Variants in NPLOC4 observed in about 807,000 individuals in gnomAD.
NPLOC4 encodes NPL4 homolog, ubiquitin recognition factor, also known as nuclear protein localization protein 4 homolog.
NPLOC4 carries 18 observed loss-of-function variants against 80.6 expected under a neutral mutation model. The observed-to-expected ratio is 0.22, with a 90% CI of 0.15 to 0.33. The LOEUF (loss-of-function observed/expected upper bound fraction) is 0.33, where lower values mean the gene tolerates loss of function less well. Ranked by LOEUF, NPLOC4 falls within the 10% of genes least tolerant of loss-of-function variation. The pLI, the probability that NPLOC4 is intolerant of heterozygous loss-of-function variation, is 1.00. For synonymous variants in NPLOC4, 313 were observed against 301.5 expected (o/e 1.04, Z -0.39); for missense variants, 540 against 786.1 (o/e 0.69, Z 3.74).
At chr17:81,600,258 G>A (rs929852081) in intron 9 of NPLOC4, 83 bp downstream of exon 9, 21 of 934,202 alleles carry the variant, frequency 2.2e-5, no homozygotes, top group East Asian at 1.0e-4. Context: ...GACACAGCCC[G>A]GCCACTCTCC....
chr17:81,582,021 G>A lies in NPLOC4; in HGVS notation c.1281+6923C>T, dbSNP rs368163496. Among the ~76,000 whole-genome samples, 361 of 152,270 alleles carry A rather than the reference G, an allele frequency of 2.4e-3. 4 individuals are homozygous for A. The highest frequency in any genetic ancestry group is 7.9e-3 in the African/African-American group (329 of 41,554). ...ACCCACCACACCCTAGTGTCAGAGA[G>A]GGAACATGAGGAGGGCTCCTCTGTA... On this transcript the variant is annotated intron_variant, in intron 12 of 16. Coordinates refer to ENST00000331134, the MANE Select transcript of NPLOC4 (RefSeq NM_017921.4).
intron 6 of NPLOC4, among the ~76,000 whole-genome samples, chr17:81,608,228 C>T (rs1168123752): frequency 6.6e-6 from 1 of 152,196 alleles, no homozygotes; most frequent in Non-Finnish European, 1.5e-5. Flanking sequence ...GGTGGGGAAG[C>T]TGAGATTCTC....
chr17:81,617,017 C>G (rs9748176), intron 3 of NPLOC4, among the ~76,000 whole-genome samples: 82,809 of 151,976 alleles, frequency 0.54, 23,693 homozygotes, highest in East Asian at 0.77. Context: ...CAGGTCCCAC[C>G]GATGCATCTA....
intron 1 of NPLOC4, among the ~76,000 whole-genome samples, chr17:81,634,186 T>A (rs970115980): frequency 6.6e-6 from 1 of 151,854 alleles, no homozygotes; most frequent in African/African-American, 2.4e-5. Flanking sequence ...GTATTTTTAG[T>A]AAAGACGTGG....
At position 81,623,228 on chromosome 17, in the gene NPLOC4, A is replaced by G. The variant is rs142579867; in HGVS notation, c.97-950T>C. ...GGCTCACACCTGTAATCTCAGCACTATGGGAGGCCAAAGCAGGTGGATCAC... is the reference window on the plus strand; with the variant it reads ...GGCTCACACCTGTAATCTCAGCACTGTGGGAGGCCAAAGCAGGTGGATCAC... On this transcript the variant is annotated intron_variant, in intron 2 of 16. Coordinates refer to ENST00000331134, the MANE Select transcript of NPLOC4 (RefSeq NM_017921.4). 1.8e-3 allele frequency among the ~76,000 whole-genome samples: 268 copies of G among 151,560 alleles called. 2 individuals are homozygous for G. The highest frequency in any genetic ancestry group is 6.2e-3 in the African/African-American group (258 of 41,336).
rs2033725265 is a variant in NPLOC4, at chr17:81,558,535, G to A, written c.*724C>T. 6.6e-6 allele frequency: 1 copy of A among 152,152 alleles called. No homozygotes were observed. The highest frequency in any genetic ancestry group is 2.1e-4 in the South Asian group (1 of 4,830). 9.4% of individuals were successfully genotyped at this position (152,152 alleles called of 1,614,324 possible). ...TCGGGGGCTTCACTAAAGGAGGGAA[G>A]GATGTGGAAACTAGTCTCTCTCACT... On this transcript the variant is annotated 3_prime_UTR_variant, in exon 17 of 17. Transcript: ENST00000331134.
chr17:81,634,255 C>A (rs557132068), intron 1 of NPLOC4, among the ~76,000 whole-genome samples: 1 of 152,262 alleles, frequency 6.6e-6, no homozygotes, highest in Admixed American at 6.5e-5. Context: ...CCTGCCTCGG[C>A]CTCTCAAAGT....
chr17:81,632,303 A>G (rs2035952954), intron 1 of NPLOC4, among the ~76,000 whole-genome samples: 1 of 148,524 alleles, frequency 6.7e-6, no homozygotes, highest in Non-Finnish European at 1.5e-5. Context: ...GAAACATTTC[A>G]ATTCCCTTAT....
intron 6 of NPLOC4, 95 bp downstream of exon 6, chr17:81,608,628 TCTTTA>T (rs1466991562): frequency 1.2e-6 from 1 of 817,746 alleles, no homozygotes; most frequent in Admixed American, 2.0e-5. Flanking sequence ...CCCCTTCTCA[TCTTTA>T]CTTCTCTCAT....
chr17:81,584,879 G>C (rs987507061), intron 12 of NPLOC4, among the ~76,000 whole-genome samples: 4 of 152,070 alleles, frequency 2.6e-5, no homozygotes, highest in African/African-American at 9.7e-5. Flanking sequence ...AAGAACATGG[G>C]AACGAGGCCC....
chr17:81,631,988 CT>C, intron 1 of NPLOC4, among the ~76,000 whole-genome samples: 1 of 151,666 alleles, frequency 6.6e-6, no homozygotes, highest in Non-Finnish European at 1.5e-5. Flanking sequence ...TTGAGACAGT[CT>C]TTTTCCGTTG....
chr17:81,622,127 T>G (rs770388167), intron 3 of NPLOC4, 39 bp downstream of exon 3: 8 of 1,449,600 alleles, frequency 5.5e-6, no homozygotes, highest in Non-Finnish European at 7.8e-6. Flanking sequence ...GGGACCTCAT[T>G]TCCCCCCATT....
At chr17:81,630,989 A>G (rs997349496) in intron 1 of NPLOC4, among the ~76,000 whole-genome samples, 30 of 152,106 alleles carry the variant, frequency 2.0e-4, no homozygotes, top group African/African-American at 7.2e-4. Flanking sequence ...CCTGGCCAAC[A>G]TGGTGAAACC....
At position 81,559,075 on chromosome 17, in the gene NPLOC4, C is replaced by G. The variant is rs529661606; in HGVS notation, c.*184G>C. 1.6e-6 allele frequency: 1 copy of G among 633,774 alleles called. No individual in the cohort carries two copies. Among genetic ancestry groups the G allele is most frequent in the Non-Finnish European group, 2.7e-6 (1 of 377,340 alleles). The allele number at this position is 633,774 out of a possible 1,614,324, so 39.3% of individuals were successfully genotyped here. A position where few individuals can be genotyped will look rare whatever the true frequency, so the allele number is the denominator to read the frequency against. ...TCAGCCTGCAGAATACCAGCCGTGG[C>G]GCCCGCTCTCCAGGGAGGAACGTGC... On this transcript the variant is annotated 3_prime_UTR_variant, in exon 17 of 17. Coordinates refer to ENST00000331134, the MANE Select transcript of NPLOC4 (RefSeq NM_017921.4).
chr17:81,592,434 A>T (rs559866727), intron 11 of NPLOC4, among the ~76,000 whole-genome samples: 1 of 152,282 alleles, frequency 6.6e-6, no homozygotes, highest in East Asian at 1.9e-4. Flanking sequence ...GAGCACCAAG[A>T]GGGGTGATTC....
intron 1 of NPLOC4, among the ~76,000 whole-genome samples, chr17:81,635,131 G>A (rs1196909082): frequency 4.0e-5 from 6 of 151,838 alleles, no homozygotes; most frequent in African/African-American, 1.5e-4. Context: ...CACGAGGTCA[G>A]AAGTTCGAGA....
intron 5 of NPLOC4, 36 bp downstream of exon 5, chr17:81,610,174 A>G (rs576579972): frequency 2.6e-6 from 4 of 1,554,714 alleles, no homozygotes; most frequent in African/African-American, 2.7e-5. Context: ...GCAGCCCCCC[A>G]CACTGGCCCA....
intron 1 of NPLOC4, among the ~76,000 whole-genome samples, chr17:81,631,343 G>A (rs972334932): frequency 6.7e-6 from 1 of 150,294 alleles, no homozygotes; most frequent in African/African-American, 2.5e-5. Context: ...CTAGGAATTC[G>A]AGATCAGCCT....
intron 1 of NPLOC4, among the ~76,000 whole-genome samples, chr17:81,630,898 C>A (rs1401446799): frequency 1.3e-5 from 2 of 152,036 alleles, no homozygotes; most frequent in Non-Finnish European, 2.9e-5. Flanking sequence ...TTAGGCTGGG[C>A]ACAGTGGCTC....
Sources: allele counts gnomAD v4.1 joint callset (sites outside exome capture counted in the v4.1 genomes callset), GRCh38; gene constraint gnomAD v4.1.1; transcripts MANE v1.5; gene names NCBI Gene and HGNC (gene_info 2026-07-23, HGNC 2026-07-21).